The following PPM1J variants were observed in gnomAD, a reference collection of about 807,000 sequenced individuals.
PPM1J encodes the protein protein phosphatase 1J.
Under a neutral mutation model 53.3 loss-of-function variants are expected in PPM1J, and 43 were observed. The observed-to-expected ratio is 0.81, with a 90% CI of 0.63 to 1.04. The LOEUF (loss-of-function observed/expected upper bound fraction) is 1.04, where lower values mean the gene tolerates loss of function less well. Among genes scored for constraint, PPM1J ranks in the 50% least tolerant of loss-of-function variants. PPM1J has a pLI of 0.00. For synonymous variants in PPM1J, 267 were observed against 286.4 expected (o/e 0.93, Z 0.68); for missense variants, 635 against 685.9 (o/e 0.93, Z 0.83).
At chr1:112,714,863 G>A in intron 1 of PPM1J, 113 bp downstream of exon 1, 2 of 1,321,438 alleles carry the variant, frequency 1.5e-6, no homozygotes, top group Non-Finnish European at 1.9e-6. Context: ...CCACGGAAAA[G>A]GGAGCTCCTG....
At chr1:112,714,221 G>A (rs183553283) in intron 1 of PPM1J, 104 of 987,078 alleles carry the variant, frequency 1.1e-4, no homozygotes, top group Non-Finnish European at 1.2e-4. Context: ...GGAGGCTAAG[G>A]GAGGTGGTGG....
chr1:112,710,026 C>A lies in PPM1J; in HGVS notation c.*137G>T. ...ATCCATCTCGTTTATTTGCCAATAG[C>A]TGTAATTTTGGATATAGCGGACATC... On this transcript the variant is annotated 3_prime_UTR_variant, in exon 10 of 10. Coordinates refer to ENST00000309276, the MANE Select transcript of PPM1J (RefSeq NM_005167.7). 6.9e-7 allele frequency: 1 copy of A among 1,453,608 alleles called. No homozygotes were observed. The highest frequency in any genetic ancestry group is 9.1e-7 in the Non-Finnish European group (1 of 1,104,924). 90.0% of individuals were successfully genotyped at this position (1,453,608 alleles called of 1,614,324 possible). A position where few individuals can be genotyped will look rare whatever the true frequency, so the allele number is the denominator to read the frequency against.
At position 112,714,217 on chromosome 1, in the gene PPM1J, T is replaced by G. The variant is rs545091431; in HGVS notation, c.327-606A>C. On this transcript the variant is annotated intron_variant, in intron 1 of 9. Coordinates refer to ENST00000309276, the MANE Select transcript of PPM1J (RefSeq NM_005167.7). ...CATAAACTCCTCCCACACAGGAGGCTAAGGGAGGTGGTGGTGGGTCCATGG... is the reference window on the plus strand; with the variant it reads ...CATAAACTCCTCCCACACAGGAGGCGAAGGGAGGTGGTGGTGGGTCCATGG... 1.6e-4 allele frequency: 155 copies of G among 987,156 alleles called. No individual in the cohort carries two copies. The African/African-American group carries it at 1.8e-3, about 12-fold the overall frequency. The allele number at this position is 987,156 out of a possible 1,614,324, so 61.1% of individuals were successfully genotyped here. A position where few individuals can be genotyped will look rare whatever the true frequency, so the allele number is the denominator to read the frequency against.
At chr1:112,714,573 C>G in intron 1 of PPM1J, 1 of 1,010,316 alleles carries the variant, frequency 9.9e-7, no homozygotes, top group East Asian at 9.3e-5. Context: ...GTGAGCGAGT[C>G]TTCCCAACCG....
At chr1:112,714,665 G>T in intron 1 of PPM1J, 1 of 1,199,576 alleles carries the variant, frequency 8.3e-7, no homozygotes, top group Admixed American at 4.4e-5. Flanking sequence ...CCGCGACGGG[G>T]AACTGGCCAA....
Position 112,715,105 on chromosome 1 carries a change from C to A in PPM1J, c.197G>T (p.Ser66Ile). The A allele has an allele frequency of 6.4e-7, 1 of 1,560,954 alleles. No individual in the cohort carries two copies. Among genetic ancestry groups the A allele is most frequent in the Non-Finnish European group, 8.6e-7 (1 of 1,163,436 alleles). The change falls in exon 1 of 10, where the codon AGC becomes ATC. Residue 66 changes from serine (S) to isoleucine (I), a missense_variant. Transcript: ENST00000309276. This position sits in a 1 kb window ranked among gnomAD's most constrained non-coding sequence, Gnocchi z 4.4. ...TPAKAVEARA[S>I]FSRPTFLQLS... is the part of the protein sequence containing the mutation. ...CTGCAGAAAGGTCGGTCTGGAGAAG[C>A]TCGCTCGAGCCTCAACAGCCTTCGC...
chr1:112,714,212 G>C, intron 1 of PPM1J: 1 of 987,234 alleles, frequency 1.0e-6, no homozygotes. Flanking sequence ...TCCCACACAG[G>C]AGGCTAAGGG....
At position 112,711,316 on chromosome 1, in the gene PPM1J, G is replaced by A. The variant is rs531791303; in HGVS notation, c.996C>T (p.Pro332=). The A allele has an allele frequency of 1.9e-6, 3 of 1,608,038 alleles. No individual in the cohort carries two copies. Among genetic ancestry groups the A allele is most frequent in the Admixed American group, 3.4e-5 (2 of 58,782 alleles). ...THLEFPRRVL[P]KELGQRMLYR... is the part of the protein sequence containing the mutation. Reference sequence around the variant, plus strand: ...ACAACATCCTCTGCCCCAGCTCCTTGGGCAGAACTCTGCGGGGGAACTCAA... The same window carrying A: ...ACAACATCCTCTGCCCCAGCTCCTTAGGCAGAACTCTGCGGGGGAACTCAA... The change falls in exon 6 of 10, where the codon CCC becomes CCT. Residue 332 remains proline, a synonymous_variant. Coordinates refer to ENST00000309276, the MANE Select transcript of PPM1J (RefSeq NM_005167.7).
rs780075992 is a variant in PPM1J, at chr1:112,713,505, G to C, written c.433C>G (p.Arg145Gly). 3.1e-6 allele frequency: 5 copies of C among 1,611,936 alleles called. No individual in the cohort carries two copies. Among genetic ancestry groups the C allele is most frequent in the Non-Finnish European group, 4.2e-6 (5 of 1,178,286 alleles). ...AAGGGGATGGGTCTTACCTGGCCTC[G>C]GCTAGGCTCCCTAGGTACTCCTGTA... ...SVTGVPREPSRGQGLCFYYWG... is the reference protein window; with the variant it reads ...SVTGVPREPSGGQGLCFYYWG... Residue 145 changes from arginine to glycine, a missense_variant, in exon 2 of 10, where the codon CGA becomes GGA. Arg to Gly is a moderately radical substitution (Grantham distance 125). Transcript: ENST00000309276.
intron 4 of PPM1J, 29 bp downstream of exon 4, chr1:112,712,316 T>C: frequency 6.6e-7 from 1 of 1,525,418 alleles, no homozygotes; most frequent in Non-Finnish European, 9.0e-7. Flanking sequence ...TGGCCCTCTG[T>C]CGCCACCTTG....
rs1675101392 is a variant in PPM1J, at chr1:112,712,918, T to C, written c.555A>G (p.Val185=). ...GTGGCGAAGGGTCCTGAAGTATCTC[T>C]ACCAGGTCCTTTAGCTGCTCTCGGA... The part of the protein sequence containing the change: ...RHIREQLKDL[V]EILQDPSPPP... The change falls in exon 3 of 10, where the codon GTA becomes GTG. Residue 185 remains valine (V), a synonymous_variant. Coordinates refer to ENST00000309276, the MANE Select transcript of PPM1J (RefSeq NM_005167.7). 10 of 1,613,508 alleles carry C rather than the reference T, an allele frequency of 6.2e-6. No individual in the cohort carries two copies. The highest frequency in any genetic ancestry group is 3.4e-4 in the Middle Eastern group (2 of 5,966).
intron 1 of PPM1J, chr1:112,714,562 G>A: frequency 5.0e-6 from 5 of 1,003,062 alleles, no homozygotes; most frequent in Admixed American, 6.0e-5. Context: ...CCGGGAAGCG[G>A]GTGAGCGAGT....
intron 1 of PPM1J, chr1:112,713,916 C>T (rs1675133168): frequency 1.5e-6 from 1 of 672,154 alleles, no homozygotes; most frequent in Non-Finnish European, 2.2e-6. Context: ...AAAAGGCATT[C>T]CTAGTGGTGC....
At position 112,711,080 on chromosome 1, in the gene PPM1J, G is replaced by T. The variant is rs199944433; in HGVS notation, c.1047-9C>A. 1.8e-5 allele frequency: 29 copies of T among 1,613,522 alleles called. No individual in the cohort carries two copies. In the East Asian group the frequency reaches 3.1e-4, roughly 17 times the overall value. On this transcript the variant is annotated splice_polypyrimidine_tract_variant and intron_variant, in intron 6 of 9. Transcript: ENST00000309276. ...CGATCTTTTTGTAGGCCCTGGGGAG[G>T]GGGGAGTAGAGGAGGCATCACCCAG...
intron 2 of PPM1J, 49 bp from the exon 3 acceptor site, chr1:112,713,080 G>GT (rs763034600): frequency 7.1e-7 from 1 of 1,400,144 alleles, no homozygotes; most frequent in Admixed American, 2.1e-5. Context: ...GTGTGTGTGT[G>GT]TGTGTGTGTG....
At position 112,715,237 on chromosome 1, in the gene PPM1J, C is replaced by A. The variant is rs1180742802; in HGVS notation, c.65G>T (p.Arg22Leu). Residue 22 changes from arginine (R) to leucine (L), a missense_variant, in exon 1 of 10, where the codon CGC becomes CTC. Transcript: ENST00000309276. This position sits in a 1 kb window ranked among gnomAD's most constrained non-coding sequence, Gnocchi z 4.4. ...LVSSGGAPPP[R>L]PKSPDLPNAA... is the part of the protein sequence containing the mutation. Reference sequence around the variant, plus strand: ...GTTGGGCAGGTCCGGGGATTTGGGGCGCGGAGGCGGAGCGCCCCCGGAGCT... The same window carrying A: ...GTTGGGCAGGTCCGGGGATTTGGGGAGCGGAGGCGGAGCGCCCCCGGAGCT... 3.6e-6 allele frequency: 5 copies of A among 1,381,634 alleles called. No homozygotes were observed. The South Asian group carries it at 6.6e-5, about 18-fold the overall frequency. 85.6% of individuals were successfully genotyped at this position (1,381,634 alleles called of 1,614,324 possible). A position where few individuals can be genotyped will look rare whatever the true frequency, so the allele number is the denominator to read the frequency against.
rs200586006 is a variant in PPM1J at position 112,710,997 on chromosome 1, A to T, written c.1110+11T>A. 2.6e-5 allele frequency: 42 copies of T among 1,612,672 alleles called. No homozygotes were observed. Among genetic ancestry groups the T allele is most frequent in the Non-Finnish European group, 3.4e-5 (40 of 1,178,788 alleles). On this transcript the variant is annotated intron_variant, in intron 7 of 9. Transcript: ENST00000309276. ...CCTCCTCCCCTCTCCCACCTCTACC[A>T]TGGAGTTTACCTTTTTGCCCTCCCC...
At position 112,715,017 on chromosome 1, in the gene PPM1J, C is replaced by A; in HGVS notation, c.285G>T (p.Pro95=). The A allele has an allele frequency of 6.7e-7, 1 of 1,483,052 alleles. No individual in the cohort carries two copies. The highest frequency in any genetic ancestry group is 2.8e-5 in the East Asian group (1 of 36,026). 91.9% of individuals were successfully genotyped at this position (1,483,052 alleles called of 1,614,324 possible). A position where few individuals can be genotyped will look rare whatever the true frequency, so the allele number is the denominator to read the frequency against. Residue 95 remains proline, a synonymous_variant, in exon 1 of 10, where the codon CCG becomes CCT. Coordinates refer to ENST00000309276, the MANE Select transcript of PPM1J (RefSeq NM_005167.7). The surrounding 1 kb of genome is among the most constrained non-coding windows in gnomAD (Gnocchi z 4.4). ...TCCAGGGCAGGCGGCGGCCCGTGTC[C>A]GGGGGGCTTTGCACAGCCCGGCCCG... The part of the protein sequence containing the change: ...DHAGRAVQSP[P]DTGRRLPWST...
intron 6 of PPM1J, 97 bp from the exon 7 acceptor site, chr1:112,711,168 AT>A: frequency 6.8e-7 from 1 of 1,469,120 alleles, no homozygotes; most frequent in Non-Finnish European, 9.5e-7. Context: ...GAAGGGCCAC[AT>A]CCTCCCAACT....
Sources: gnomAD v4.1 joint callset for allele counts on GRCh38, gnomAD v4.1.1 for gene constraint, Gnocchi (gnomAD v3.1) non-coding constraint, MANE v1.5 for transcripts, NCBI Gene and HGNC (gene_info 2026-07-23, HGNC 2026-07-21) for gene names.